The following NRXN1 variants were observed in gnomAD, a reference collection of about 807,000 sequenced individuals.
NRXN1 encodes neurexin 1.
In NRXN1, 39 loss-of-function variants were observed where a neutral mutation model predicts 150.9. That is an observed-to-expected ratio of 0.26 (90% CI 0.20 to 0.34). NRXN1 has a LOEUF of 0.34. Among genes scored for constraint, NRXN1 ranks in the 10% least tolerant of loss-of-function variants. NRXN1 has a pLI of 1.00. For missense variants in NRXN1, 1,815 were observed against 1,949.9 expected, an observed-to-expected ratio of 0.93 and a Z score of 1.30; for synonymous variants, 924 against 757.0, an observed-to-expected ratio of 1.22 and a Z score of -3.62.
At chr2:50,678,619 T>G (rs1689888807) in intron 5 of NRXN1, among the ~76,000 whole-genome samples, 1 of 152,258 alleles carries the variant, frequency 6.6e-6, no homozygotes, top group South Asian at 2.1e-4. Context: ...TCATTAACCC[T>G]TTACAGCCTC....
Position 50,347,079 on chromosome 2 carries a change from C to A in NRXN1, c.3365-110109G>T. ...CGGCCGCCTCACCGCGCCAGGGCAC[C>A]CATCCTCTCCCTCCTTCGGACAGTC... is the stretch of plus-strand genomic sequence containing the variant. On this transcript the variant is annotated intron_variant, in intron 17 of 22. Coordinates refer to ENST00000401669, the MANE Select transcript of NRXN1 (RefSeq NM_001330078.2). This position sits in a 1 kb window ranked among gnomAD's most constrained non-coding sequence, Gnocchi z 4.9. 2 of 1,383,164 alleles carry A rather than the reference C, an allele frequency of 1.4e-6. No individual in the cohort carries two copies. The highest frequency in any genetic ancestry group is 1.2e-5 in the South Asian group (1 of 82,074). 85.7% of individuals were successfully genotyped at this position (1,383,164 alleles called of 1,614,324 possible). A position where few individuals can be genotyped will look rare whatever the true frequency, so the allele number is the denominator to read the frequency against.
chr2:50,132,872 T>A (rs1705748863), intron 18 of NRXN1, among the ~76,000 whole-genome samples: 1 of 144,976 alleles, frequency 6.9e-6, no homozygotes, highest in Non-Finnish European at 1.5e-5. Flanking sequence ...TTTTTTTTTT[T>A]ACCTTGCCAT....
At chr2:50,208,289 T>C (rs1372689324) in intron 18 of NRXN1, among the ~76,000 whole-genome samples, 1 of 152,048 alleles carries the variant, frequency 6.6e-6, no homozygotes, top group African/African-American at 2.4e-5. Flanking sequence ...TTCTGAGATG[T>C]CCAATGTATC....
At chr2:50,893,882 T>C (rs2103861586) in intron 5 of NRXN1, among the ~76,000 whole-genome samples, 2 of 152,308 alleles carry the variant, frequency 1.3e-5, no homozygotes, top group Admixed American at 1.3e-4. Flanking sequence ...GATAGTTTAC[T>C]GAGAATGATG....
intron 18 of NRXN1, among the ~76,000 whole-genome samples, chr2:50,194,734 A>C (rs1398918560): frequency 6.6e-6 from 1 of 152,100 alleles, no homozygotes; most frequent in African/African-American, 2.4e-5. Flanking sequence ...GACTTTTCTA[A>C]GATATTTTTA....
intron 18 of NRXN1, among the ~76,000 whole-genome samples, chr2:50,235,995 G>T (rs367556033): frequency 4.6e-4 from 70 of 151,964 alleles, no homozygotes; most frequent in African/African-American, 1.6e-3. Context: ...TACAAATAAT[G>T]CAAGAAAATG....
chr2:51,026,964 C>T (rs533538847), intron 2 of NRXN1, among the ~76,000 whole-genome samples: 31 of 152,300 alleles, frequency 2.0e-4, no homozygotes, highest in Admixed American at 2.0e-3. Flanking sequence ...GAGCACTGCC[C>T]GTGAACCCTG....
intron 17 of NRXN1, among the ~76,000 whole-genome samples, chr2:50,454,285 C>T (rs2087295062): frequency 6.6e-6 from 1 of 152,100 alleles, no homozygotes; most frequent in African/African-American, 2.4e-5. Context: ...AAAATCATGC[C>T]ACTGCACTCC....
intron 5 of NRXN1, among the ~76,000 whole-genome samples, chr2:50,911,017 C>T (rs1220696933): frequency 1.3e-5 from 2 of 152,014 alleles, no homozygotes; most frequent in African/African-American, 4.8e-5. Context: ...TCCTTAAGAA[C>T]AGATACATCA....
chr2:50,623,996 C>T (rs906206742), intron 5 of NRXN1, among the ~76,000 whole-genome samples: 3 of 151,996 alleles, frequency 2.0e-5, no homozygotes, highest in African/African-American at 7.2e-5. Flanking sequence ...CATGTGTTCT[C>T]ATTGTTCAAT....
At chr2:50,959,564 GTAGATGAA>G (rs951638374) in intron 2 of NRXN1, among the ~76,000 whole-genome samples, 34 of 152,124 alleles carry the variant, frequency 2.2e-4, no homozygotes, top group Admixed American at 7.2e-4. Context: ...AGAGCTATAA[GTAGATGAA>G]TAGATGCCAG....
chr2:49,919,219 CCT>C lies in NRXN1; in HGVS notation c.*2723_*2724del, dbSNP rs1667795193. ...ATCAACTGCAAACTATGCAGGGAAC[CCT>C]GATATGTTTGGTATGAAGATACTTG... On this transcript the variant is annotated 3_prime_UTR_variant, in exon 23 of 23. Coordinates refer to ENST00000401669, the MANE Select transcript of NRXN1 (RefSeq NM_001330078.2). 1 of 152,022 alleles carries C rather than the reference CCT, an allele frequency of 6.6e-6. No homozygotes were observed. Among genetic ancestry groups the C allele is most frequent in the Non-Finnish European group, 1.5e-5 (1 of 67,966 alleles). 9.4% of individuals were successfully genotyped at this position (152,022 alleles called of 1,614,324 possible).
chr2:49,992,546 G>T (rs1435640160), intron 21 of NRXN1, among the ~76,000 whole-genome samples: 1 of 152,004 alleles, frequency 6.6e-6, no homozygotes, highest in Non-Finnish European at 1.5e-5. Context: ...CCTAGCAACA[G>T]AGTGAGACTC....
At chr2:50,309,004 G>A (rs978112820) in intron 17 of NRXN1, among the ~76,000 whole-genome samples, 1 of 152,180 alleles carries the variant, frequency 6.6e-6, no homozygotes, top group Admixed American at 6.5e-5. Flanking sequence ...GAGCTGCCCA[G>A]TAAATATTAG....
At chr2:50,136,446 A>C (rs565105037) in intron 18 of NRXN1, among the ~76,000 whole-genome samples, 1 of 152,224 alleles carries the variant, frequency 6.6e-6, no homozygotes, top group South Asian at 2.1e-4. Flanking sequence ...GATATATCTT[A>C]ATTTTGTACT....
At chr2:50,942,169 T>C (rs10185304) in intron 2 of NRXN1, among the ~76,000 whole-genome samples, 37,923 of 152,118 alleles carry the variant, frequency 0.25, 6,384 homozygotes, top group East Asian at 0.63. Context: ...TGCAGGTGCA[T>C]AGAAGACAAG....
chr2:50,873,361 G>T (rs1678073211), intron 5 of NRXN1, among the ~76,000 whole-genome samples: 1 of 151,812 alleles, frequency 6.6e-6, no homozygotes, highest in Non-Finnish European at 1.5e-5. Context: ...GTGCTTTGGG[G>T]TAATTGCTAA....
intron 17 of NRXN1, among the ~76,000 whole-genome samples, chr2:50,448,839 A>G (rs1203103636): frequency 6.6e-6 from 1 of 152,226 alleles, no homozygotes; most frequent in Non-Finnish European, 1.5e-5. Context: ...GGCTCCACAT[A>G]AAATAGAGCA....
chr2:50,808,919 C>T (rs756536918), intron 5 of NRXN1, among the ~76,000 whole-genome samples: 87 of 152,198 alleles, frequency 5.7e-4, no homozygotes, highest in Non-Finnish European at 1.1e-3. Flanking sequence ...GGTAATCATA[C>T]CATCCTGACT....
Sources: gnomAD v4.1 joint callset for allele counts (sites outside exome capture counted in the v4.1 genomes callset) on GRCh38, gnomAD v4.1.1 for gene constraint, Gnocchi (gnomAD v3.1) non-coding constraint, MANE v1.5 for transcripts, NCBI Gene and HGNC (gene_info 2026-07-23, HGNC 2026-07-21) for gene names.